Variants in ERAP1 observed in about 807,000 individuals in gnomAD.
ERAP1 encodes adipocyte-derived leucine aminopeptidase.
In ERAP1, 86 loss-of-function variants were observed where a neutral mutation model predicts 103.7. The ratio of observed to expected loss-of-function variants is 0.83; its 90% CI spans 0.70 to 0.99. The LOEUF (loss-of-function observed/expected upper bound fraction) is 0.99, where lower values mean the gene tolerates loss of function less well. Among genes scored for constraint, ERAP1 ranks in the 50% least tolerant of loss-of-function variants. The pLI, the probability that ERAP1 is intolerant of heterozygous loss-of-function variation, is 0.00. For synonymous variants in ERAP1, 398 were observed against 402.4 expected (o/e 0.99, Z 0.13); for missense variants, 1,009 against 1,128.4 (o/e 0.89, Z 1.52).
At chr5:96,853,895 A>G in the ERAP1 span, among the ~76,000 whole-genome samples, 5 of 152,126 alleles carry the variant, frequency 3.3e-5, no homozygotes, top group Non-Finnish European at 7.4e-5. Context: ...ACCTTAGAAA[A>G]GTGAACAAAA....
At position 96,785,957 on chromosome 5, in the gene ERAP1, G is replaced by A. The variant is rs761132676; in HGVS notation, c.1774C>T (p.Pro592Ser). 8 of 1,614,036 alleles carry A rather than the reference G, an allele frequency of 5.0e-6. No individual in the cohort carries two copies. The highest frequency in any genetic ancestry group is 6.8e-6 in the Non-Finnish European group (8 of 1,179,992). The change falls in exon 13 of 19, where the codon CCA becomes TCA. Residue 592 changes from proline to serine, a missense_variant. Pro to Ser is a moderately conservative substitution (Grantham distance 74). Coordinates refer to ENST00000443439, the MANE Select transcript of ERAP1 (RefSeq NM_001040458.3). The stretch of plus-strand genomic sequence containing the variant: ...AATTTGATCCATTCCACCTCTTCTG[G>A]GAGGATGAGCACATCTAGAGTAAAT... ...LKTKTDVLIL[P>S]EEVEWIKFNV... is the part of the protein sequence containing the mutation.
At chr5:96,913,869 G>T in the ERAP1 span, among the ~76,000 whole-genome samples, 5 of 152,156 alleles carry the variant, frequency 3.3e-5, no homozygotes, top group African/African-American at 1.2e-4. Flanking sequence ...AGGAATTTTG[G>T]TAAGAGCTAC....
downstream of ERAP1, chr5:96,774,362 A>G (rs896963517): frequency 3.4e-6 from 1 of 294,804 alleles, no homozygotes; most frequent in African/African-American, 2.3e-5. Flanking sequence ...TTCTTTTTTA[A>G]TTAGAAATAT....
In ERAP1 at chr5:96,792,067, A is replaced by G. The variant is rs371524009; in HGVS notation, c.1314T>C (p.Tyr438=). 3.1e-6 allele frequency: 5 copies of G among 1,613,930 alleles called. No individual in the cohort carries two copies. Among genetic ancestry groups the G allele is most frequent in the East Asian group, 2.2e-5 (1 of 44,884 alleles). ...QIREMFDDVS[Y]DKGACILNML... is the part of the protein sequence containing the mutation. Reference sequence around the variant, plus strand: ...ATACTCAATCTACTTTTACCTTATCATAAGAAACATCATCAAACATCTCCC... The same window carrying G: ...ATACTCAATCTACTTTTACCTTATCGTAAGAAACATCATCAAACATCTCCC... The change falls in exon 8 of 19, where the codon TAT becomes TAC. Residue 438 remains tyrosine (Y), a synonymous_variant. Coordinates refer to ENST00000443439, the MANE Select transcript of ERAP1 (RefSeq NM_001040458.3).
the ERAP1 span, among the ~76,000 whole-genome samples, chr5:96,851,094 T>G: frequency 6.6e-6 from 1 of 152,192 alleles, no homozygotes; most frequent in Non-Finnish European, 1.5e-5. Flanking sequence ...CCATGAACAT[T>G]ATTTCTGGTA....
At chr5:96,889,483 A>G in the ERAP1 span, 3 of 747,104 alleles carry the variant, frequency 4.0e-6, no homozygotes, top group South Asian at 3.1e-5. Flanking sequence ...TATTTATGAC[A>G]TGCCCCAACA....
chr5:96,820,456 A>G, the ERAP1 span, among the ~76,000 whole-genome samples: 1 of 152,184 alleles, frequency 6.6e-6, no homozygotes, highest in Admixed American at 6.5e-5. Context: ...AATATGTGAA[A>G]AAACAATATA....
intron 1 of ERAP1, among the ~76,000 whole-genome samples, chr5:96,807,500 G>A (rs1778766982): frequency 6.6e-6 from 1 of 152,234 alleles, no homozygotes; most frequent in African/African-American, 2.4e-5. Context: ...CGCTGAGGGA[G>A]GCTCCCGCCG....
the ERAP1 span, chr5:96,892,371 C>T: frequency 1.9e-6 from 3 of 1,614,054 alleles, no homozygotes; most frequent in Non-Finnish European, 2.5e-6. Flanking sequence ...AGGGAGACGT[C>T]ACTGCTTTTT....
chr5:96,768,092 G>A (rs1482870015), intron 19 of ERAP1: 6 of 856,366 alleles, frequency 7.0e-6, no homozygotes, highest in East Asian at 5.2e-5. Context: ...TCTATCTATC[G>A]GTCTGTCTTG....
chr5:96,903,474 A>G, the ERAP1 span: 1 of 1,614,014 alleles, frequency 6.2e-7, no homozygotes, highest in Non-Finnish European at 8.5e-7. Context: ...GATGGGACCA[A>G]CTCATTACAC....
chr5:96,872,817 T>C, the ERAP1 span, among the ~76,000 whole-genome samples: 3,404 of 152,142 alleles, frequency 0.022, 54 homozygotes, highest in South Asian at 0.047. Context: ...CAGTTTATAA[T>C]TTTTTAAAAA....
chr5:96,808,044 G>C (rs541974166), upstream of ERAP1: 1 of 985,540 alleles, frequency 1.0e-6, no homozygotes, highest in East Asian at 1.1e-4. Flanking sequence ...CTGGGGAAAG[G>C]GTAAACGGGA....
At chr5:96,796,912 T>C (rs1777405017) in intron 4 of ERAP1, among the ~76,000 whole-genome samples, 2 of 152,154 alleles carry the variant, frequency 1.3e-5, no homozygotes, top group African/African-American at 4.8e-5. Flanking sequence ...CCCTAGTAGC[T>C]AGGACTAGTA....
At chr5:96,918,792 T>C in the ERAP1 span, 2 of 152,364 alleles carry the variant, frequency 1.3e-5, no homozygotes, top group East Asian at 3.9e-4. Flanking sequence ...TATTGTGTAT[T>C]TTCGGTTAAA....
the ERAP1 span, among the ~76,000 whole-genome samples, chr5:96,826,980 A>G: frequency 6.6e-6 from 1 of 152,198 alleles, no homozygotes; most frequent in Non-Finnish European, 1.5e-5. Context: ...CTCTATCCCC[A>G]CAAAGCTCAA....
the ERAP1 span, chr5:96,884,042 C>G: frequency 3.8e-6 from 1 of 261,482 alleles, no homozygotes; most frequent in African/African-American, 3.2e-5. Context: ...TTTTATCTAT[C>G]TATCTATCTA....
chr5:96,790,539 GT>G lies in ERAP1; in HGVS notation c.1424del (p.Asn475ThrfsTer17). 2 of 1,613,848 alleles carry G rather than the reference GT, an allele frequency of 1.2e-6. No individual in the cohort carries two copies. The highest frequency in any genetic ancestry group is 1.7e-4 in the Middle Eastern group (1 of 6,060). ...TTGCCATACTATCCCACAGGTCCTC[GT>G]TTTTTGTATTTTTATAGCTATGCTT... Reference protein sequence around the residue: ...LQKHSYKNTKNEDLWDSMASI... With the variant: ...LQKHSYKNTKXEDLWDSMASI... On this transcript the variant is annotated frameshift_variant, in exon 9 of 19. Transcript: ENST00000443439. LOFTEE classifies it high-confidence loss of function.
the ERAP1 span, chr5:96,902,449 A>G: frequency 5.6e-6 from 4 of 714,234 alleles, no homozygotes; most frequent in Non-Finnish European, 9.6e-6. Context: ...ATCTAACAAT[A>G]AAAGATTTAT....
Sources: gnomAD v4.1 joint callset for allele counts (sites outside exome capture counted in the v4.1 genomes callset) on GRCh38, gnomAD v4.1.1 for gene constraint, MANE v1.5 for transcripts, NCBI Gene and HGNC (gene_info 2026-07-23, HGNC 2026-07-21) for gene names.